The following BABAM2 variants were observed in gnomAD, a reference collection of about 807,000 sequenced individuals.
The protein encoded by BABAM2 is BRISC and BRCA1-A complex member 2.
BABAM2 carries 31 observed loss-of-function variants against 54.7 expected under a neutral mutation model. That is an observed-to-expected ratio of 0.57 (90% confidence interval 0.43 to 0.77). BABAM2 has a LOEUF of 0.77. Among genes scored for constraint, BABAM2 ranks in the 30% least tolerant of loss-of-function variants. BABAM2 has a pLI of 0.00. For missense variants in BABAM2, 364 were observed against 455.8 expected, an observed-to-expected ratio of 0.80 and a Z score of 1.83; for synonymous variants, 167 against 162.9, an observed-to-expected ratio of 1.03 and a Z score of -0.19.
chr2:28,160,261 A>T (rs72814500), intron 7 of BABAM2, among the ~76,000 whole-genome samples: 18,636 of 152,208 alleles, frequency 0.12, 1,551 homozygotes, highest in African/African-American at 0.23. Flanking sequence ...GGATTCCAGG[A>T]CTAGCCACTG....
chr2:27,993,856 C>T (rs1010335505), intron 4 of BABAM2, among the ~76,000 whole-genome samples: 14 of 152,058 alleles, frequency 9.2e-5, no homozygotes, highest in African/African-American at 3.4e-4. Flanking sequence ...CATTGTGCTA[C>T]CTACAGAAGG....
chr2:28,241,152 A>C (rs1473257081), intron 8 of BABAM2, among the ~76,000 whole-genome samples, 171 bp from the exon 9 acceptor site: 2 of 152,152 alleles, frequency 1.3e-5, no homozygotes, highest in Non-Finnish European at 2.9e-5. Flanking sequence ...AGATAGATGG[A>C]TGGCTGGAGG....
chr2:28,073,561 AATGTATGAATGC>A (rs1383041264), intron 6 of BABAM2, among the ~76,000 whole-genome samples: 1 of 152,228 alleles, frequency 6.6e-6, no homozygotes, highest in African/African-American at 2.4e-5. Context: ...CATTGTAAAA[AATGTATGAATGC>A]ATGTAAAATA....
At chr2:27,917,852 T>C (rs1558585421) in intron 2 of BABAM2, among the ~76,000 whole-genome samples, 1 of 152,122 alleles carries the variant, frequency 6.6e-6, no homozygotes, top group Admixed American at 6.5e-5. Context: ...ATATTACTTA[T>C]ATTGTGGTAT....
chr2:28,067,830 C>A (rs2148653232), intron 6 of BABAM2, among the ~76,000 whole-genome samples: 1 of 152,228 alleles, frequency 6.6e-6, no homozygotes, highest in South Asian at 2.1e-4. Flanking sequence ...AGTTGAAGCT[C>A]CTTATGGCAG....
chr2:28,109,266 G>T (rs1018435280), intron 6 of BABAM2, among the ~76,000 whole-genome samples: 1 of 136,648 alleles, frequency 7.3e-6, no homozygotes, highest in Admixed American at 8.4e-5. Flanking sequence ...TTGGCTCACC[G>T]CAAGCTCCAC....
chr2:27,964,925 T>A (rs1447788989), intron 3 of BABAM2, among the ~76,000 whole-genome samples: 1 of 152,216 alleles, frequency 6.6e-6, no homozygotes, highest in African/African-American at 2.4e-5. Flanking sequence ...ATAATTGATG[T>A]TGTCCTCTAA....
chr2:27,959,532 A>G (rs1335147969), intron 3 of BABAM2, among the ~76,000 whole-genome samples: 4 of 151,814 alleles, frequency 2.6e-5, no homozygotes, highest in African/African-American at 7.3e-5. Flanking sequence ...TTCTATTTCA[A>G]TATTTCTTAA....
intron 6 of BABAM2, among the ~76,000 whole-genome samples, chr2:28,126,485 A>G (rs1468888540): frequency 8.6e-4 from 125 of 145,540 alleles, no homozygotes; most frequent in Non-Finnish European, 1.3e-3. Flanking sequence ...ATCATTTTTT[A>G]TGGCTGCATA....
At chr2:28,167,207 G>A (rs572618099) in intron 7 of BABAM2, among the ~76,000 whole-genome samples, 18 of 152,038 alleles carry the variant, frequency 1.2e-4, no homozygotes, top group African/African-American at 1.9e-4. Context: ...TACTTGCACC[G>A]TCACTAGTTA....
At chr2:28,192,517 CTTT>C (rs58587872) in intron 7 of BABAM2, among the ~76,000 whole-genome samples, 1 of 120,586 alleles carries the variant, frequency 8.3e-6, no homozygotes, top group African/African-American at 3.1e-5. Flanking sequence ...GTTTATAGCT[CTTT>C]TTTTTTTTTT....
At chr2:28,277,880 T>C (rs1686007673) in intron 10 of BABAM2, among the ~76,000 whole-genome samples, 1 of 152,312 alleles carries the variant, frequency 6.6e-6, no homozygotes, top group East Asian at 1.9e-4. Flanking sequence ...GAGACAGGCA[T>C]GCAAACACTG....
intron 10 of BABAM2, among the ~76,000 whole-genome samples, chr2:28,265,513 A>G (rs1161515107): frequency 1.3e-5 from 2 of 152,208 alleles, no homozygotes; most frequent in Non-Finnish European, 2.9e-5. Context: ...AAAAGCGGGT[A>G]GCTGCTCCAG....
intron 4 of BABAM2, among the ~76,000 whole-genome samples, chr2:27,989,343 G>T (rs966887890): frequency 1.3e-5 from 2 of 152,142 alleles, no homozygotes; most frequent in Non-Finnish European, 2.9e-5. Context: ...AAAAAGCTTT[G>T]TAGTTGAGGC....
rs181580882 is a variant in BABAM2, at chr2:28,317,838, C to A, written c.1088+19347C>A. On this transcript the variant is annotated intron_variant, in intron 11 of 11. Coordinates refer to ENST00000379624, the MANE Select transcript of BABAM2 (RefSeq NM_199191.3). ...TCCCCTTTTCCCAGCCTTTTCTTCACCAGAGACGTTTTAAGATTGTGCCTG... is the reference window on the plus strand; with the variant it reads ...TCCCCTTTTCCCAGCCTTTTCTTCAACAGAGACGTTTTAAGATTGTGCCTG... Among the ~76,000 whole-genome samples the A allele has an allele frequency of 5.9e-5, 9 of 152,274 alleles. No homozygotes were observed. In the East Asian group the frequency reaches 1.7e-3, roughly 29 times the overall value.
At chr2:28,109,397 C>T (rs917877954) in intron 6 of BABAM2, among the ~76,000 whole-genome samples, 2 of 151,966 alleles carry the variant, frequency 1.3e-5, no homozygotes, top group African/African-American at 4.8e-5. Context: ...ACCTTGTTAG[C>T]CAGGATGGTC....
Position 28,338,597 on chromosome 2 carries a change from T to C in BABAM2, c.*84T>C, listed in dbSNP as rs1691675661. The C allele has an allele frequency of 3.3e-6, 5 of 1,493,886 alleles. No homozygotes were observed. The highest frequency in any genetic ancestry group is 1.4e-5 in the African/African-American group (1 of 72,328). The allele number at this position is 1,493,886 out of a possible 1,614,324, so 92.5% of individuals were successfully genotyped here. A position where few individuals can be genotyped will look rare whatever the true frequency, so the allele number is the denominator to read the frequency against. On this transcript the variant is annotated 3_prime_UTR_variant, in exon 12 of 12. Transcript: ENST00000379624. ...ATACAGCCGCTTCCTGGAAGCCGCC[T>C]GGAATGTCTTCACGGCAGCGTTTTG...
At chr2:27,890,360 G>A, upstream of BABAM2, 4 of 1,611,300 alleles carry the variant, frequency 2.5e-6, no homozygotes, top group Non-Finnish European at 3.4e-6. This position sits in a 1 kb window ranked among gnomAD's most constrained non-coding sequence, Gnocchi z 4.8. Context: ...CAAAGGTGCT[G>A]CTGTCCAACC....
intron 7 of BABAM2, among the ~76,000 whole-genome samples, chr2:28,193,868 T>C (rs1463649042): frequency 6.6e-6 from 1 of 152,012 alleles, no homozygotes; most frequent in Non-Finnish European, 1.5e-5. Flanking sequence ...CTGTAGGCAA[T>C]AGAAATAAAA....
Sources: gnomAD v4.1 joint callset for allele counts (sites outside exome capture counted in the v4.1 genomes callset) on GRCh38, gnomAD v4.1.1 for gene constraint, Gnocchi (gnomAD v3.1) non-coding constraint, MANE v1.5 for transcripts, NCBI Gene and HGNC (gene_info 2026-07-23, HGNC 2026-07-21) for gene names.